SLC4A7: variants seen among roughly 807,000 people sequenced by gnomAD.
The protein encoded by SLC4A7 is sodium bicarbonate cotransporter 3.
Under a neutral mutation model 137.6 loss-of-function variants are expected in SLC4A7, and 51 were observed. The observed-to-expected ratio is 0.37, with a 90% CI of 0.30 to 0.47. SLC4A7 has a LOEUF of 0.47. SLC4A7 is among the 20% of genes least tolerant of loss of function. The pLI is 1.00. For synonymous variants in SLC4A7, 542 were observed against 518.6 expected, an observed-to-expected ratio of 1.05 and a Z score of -0.61; for missense variants, 1,247 against 1,525.4, an observed-to-expected ratio of 0.82 and a Z score of 3.04.
chr3:27,463,343 T>C (rs2058799326), intron 1 of SLC4A7, among the ~76,000 whole-genome samples: 1 of 151,918 alleles, frequency 6.6e-6, no homozygotes, highest in African/African-American at 2.4e-5. Context: ...GGCAAGAGAA[T>C]AGCGTGGACC....
rs922878227 is a variant in SLC4A7, at chr3:27,469,938, ATGTC to A, written c.60+14125_60+14128del. Among the ~76,000 whole-genome samples the A allele has an allele frequency of 2.6e-5, 4 of 152,160 alleles. No individual in the cohort carries two copies. The East Asian group carries it at 7.7e-4, about 29-fold the overall frequency. ...AGTAGCTGTAACAAAATAACTAAGAATGTCTGAGGATTATCCTAAAAAATAAATA... is the reference window on the plus strand; with the variant it reads ...AGTAGCTGTAACAAAATAACTAAGAATGAGGATTATCCTAAAAAATAAATA... On this transcript the variant is annotated intron_variant, in intron 1 of 25. Coordinates refer to ENST00000454389, the MANE Select transcript of SLC4A7 (RefSeq NM_001321103.2).
rs1038235580 is a variant in SLC4A7 at position 27,431,542 on chromosome 3, G to T, written c.906C>A (p.Thr302=). 6.2e-7 allele frequency: 1 copy of T among 1,614,046 alleles called. No individual in the cohort carries two copies. Among genetic ancestry groups the T allele is most frequent in the Non-Finnish European group, 8.5e-7 (1 of 1,179,996 alleles). The change falls in exon 7 of 26, where the codon ACC becomes ACA. Residue 302 remains threonine, a synonymous_variant. Coordinates refer to ENST00000454389, the MANE Select transcript of SLC4A7 (RefSeq NM_001321103.2). The stretch of plus-strand genomic sequence containing the variant: ...GGGTTGTACACCTTGAGCCTGCAGG[G>T]GTTCCAGCTCTTGAAGAAGGAAGAA... ...GHLLPSSRAG[T]PAGSRCTTPV... is the part of the protein sequence containing the mutation.
chr3:27,469,531 T>G (rs2059148351), intron 1 of SLC4A7, among the ~76,000 whole-genome samples: 1 of 152,158 alleles, frequency 6.6e-6, no homozygotes, highest in Admixed American at 6.6e-5. Flanking sequence ...TAAAGGATAT[T>G]ATAAAGGATA....
chr3:27,422,955 A>G, intron 8 of SLC4A7: 1 of 337,228 alleles, frequency 3.0e-6, no homozygotes, highest in Non-Finnish European at 6.0e-6. Context: ...GAACTCTATA[A>G]TGTAAATTAT....
chr3:27,443,776 T>G (rs2057395670), intron 3 of SLC4A7, among the ~76,000 whole-genome samples: 1 of 152,214 alleles, frequency 6.6e-6, no homozygotes, highest in Admixed American at 6.5e-5. Flanking sequence ...AAATCTGTCT[T>G]GGTTACCTGC....
chr3:27,397,160 C>CT (rs1404065942), intron 18 of SLC4A7, among the ~76,000 whole-genome samples: 1 of 152,018 alleles, frequency 6.6e-6, no homozygotes, highest in Non-Finnish European at 1.5e-5. Flanking sequence ...TCCCGAGTAG[C>CT]GGGATTACAG....
At chr3:27,475,266 TG>T (rs2059417765) in intron 1 of SLC4A7, among the ~76,000 whole-genome samples, 1 of 151,534 alleles carries the variant, frequency 6.6e-6, no homozygotes, top group African/African-American at 2.4e-5. Context: ...GAACACAGGC[TG>T]ATTATTAATA....
chr3:27,484,100 C>G lies in SLC4A7; in HGVS notation c.27G>C (p.Gln9His). The change falls in exon 1 of 26, where the codon CAG becomes CAC. Residue 9 changes from glutamine to histidine, a missense_variant. This residue lies in a region of SLC4A7 where 176 missense variants were observed against 186.4 expected (regional missense o/e 0.94). Transcript: ENST00000454389. ...TTACCCGGGTGAGTAGCGGTCTCATCTGCTCGCCGGCCCCATCAGCCTCCA... is the reference window on the plus strand; with the variant it reads ...TTACCCGGGTGAGTAGCGGTCTCATGTGCTCGCCGGCCCCATCAGCCTCCA... The part of the protein sequence containing the change: MEADGAGE[Q>H]MRPLLTRVTS... 7.1e-7 allele frequency: 1 copy of G among 1,401,916 alleles called. No homozygotes were observed. Among genetic ancestry groups the G allele is most frequent in the Non-Finnish European group, 9.3e-7 (1 of 1,073,088 alleles). 86.8% of individuals were successfully genotyped at this position (1,401,916 alleles called of 1,614,324 possible).
intron 3 of SLC4A7, 78 bp downstream of exon 3, chr3:27,448,573 G>A (rs991249645): frequency 4.7e-6 from 6 of 1,278,222 alleles, no homozygotes; most frequent in Middle Eastern, 4.0e-4. Flanking sequence ...ATTTTTAAAA[G>A]AAATATTCAA....
rs538929836 is a variant in SLC4A7, at chr3:27,448,559, T to C, written c.289+92A>G. On this transcript the variant is annotated intron_variant, in intron 3 of 25. Coordinates refer to ENST00000454389, the MANE Select transcript of SLC4A7 (RefSeq NM_001321103.2). The stretch of plus-strand genomic sequence containing the variant: ...CAATGTGACTACATTAATGCATACA[T>C]ACAATTTTTAAAAGAAATATTCAAT... 8.2e-6 allele frequency: 9 copies of C among 1,101,540 alleles called. No individual in the cohort carries two copies. In the South Asian group the frequency reaches 1.1e-4, roughly 13 times the overall value. 68.2% of individuals were successfully genotyped at this position (1,101,540 alleles called of 1,614,324 possible).
At chr3:27,460,717 G>A (rs915468597) in intron 1 of SLC4A7, among the ~76,000 whole-genome samples, 1 of 152,152 alleles carries the variant, frequency 6.6e-6, no homozygotes, top group Non-Finnish European at 1.5e-5. Context: ...GGGTGATAAA[G>A]AAAACCTTTT....
At chr3:27,441,033 G>A (rs1483167907) in intron 3 of SLC4A7, among the ~76,000 whole-genome samples, 1 of 151,966 alleles carries the variant, frequency 6.6e-6, no homozygotes, top group African/African-American at 2.4e-5. Context: ...TGACAAGAGT[G>A]AGACTCCGTC....
intron 8 of SLC4A7, chr3:27,423,624 G>A (rs1374089697): frequency 6.5e-6 from 1 of 154,734 alleles, no homozygotes; most frequent in Non-Finnish European, 1.4e-5. Context: ...CAGTAATTCT[G>A]GGATCGCATT....
rs375981564 is a variant in SLC4A7 at position 27,380,031 on chromosome 3, G to A, written c.3591-675C>T. 1.0e-3 allele frequency among the ~76,000 whole-genome samples: 157 copies of A among 152,254 alleles called. 4 individuals carry two copies. In the South Asian group the frequency reaches 0.015, roughly 14 times the overall value. On this transcript the variant is annotated intron_variant, in intron 24 of 25. Coordinates refer to ENST00000454389, the MANE Select transcript of SLC4A7 (RefSeq NM_001321103.2). Reference sequence around the variant, plus strand: ...CAAAATTAAAAGAACAGAGTAGGCCGGGCATGGTGGCTCACGCCTATAATC... The same window carrying A: ...CAAAATTAAAAGAACAGAGTAGGCCAGGCATGGTGGCTCACGCCTATAATC...
chr3:27,398,474 C>T (rs1467881864), intron 16 of SLC4A7, 121 bp from the exon 17 acceptor site: 3 of 765,336 alleles, frequency 3.9e-6, no homozygotes, highest in East Asian at 2.7e-5. Flanking sequence ...CTTTGTATTC[C>T]TTATAAAGAA....
At chr3:27,385,509 A>C (rs2050846602) in intron 23 of SLC4A7, among the ~76,000 whole-genome samples, 1 of 152,226 alleles carries the variant, frequency 6.6e-6, no homozygotes, top group Non-Finnish European at 1.5e-5. Flanking sequence ...AAATGTATTT[A>C]AAGTTTTCTC....
intron 7 of SLC4A7, among the ~76,000 whole-genome samples, chr3:27,426,188 C>A (rs533637022): frequency 6.6e-6 from 1 of 152,172 alleles, no homozygotes; most frequent in Non-Finnish European, 1.5e-5. Context: ...GTTGATGTGA[C>A]GAAAAATCTT....
At chr3:27,463,538 C>T (rs1420493400) in intron 1 of SLC4A7, among the ~76,000 whole-genome samples, 4 of 151,766 alleles carry the variant, frequency 2.6e-5, no homozygotes, top group African/African-American at 7.3e-5. Context: ...GAAACTCCAC[C>T]TCAAAAAATA....
At chr3:27,465,145 G>A (rs990225737) in intron 1 of SLC4A7, among the ~76,000 whole-genome samples, 3 of 151,604 alleles carry the variant, frequency 2.0e-5, no homozygotes, top group Admixed American at 6.6e-5. Flanking sequence ...CCAAAAACAC[G>A]AAAATTATCC....
Sources: gnomAD v4.1 joint callset for allele counts (sites outside exome capture counted in the v4.1 genomes callset) on GRCh38, gnomAD v4.1.1 for gene constraint, gnomAD v4.1.1 regional missense constraint, MANE v1.5 for transcripts, NCBI Gene and HGNC (gene_info 2026-07-23, HGNC 2026-07-21) for gene names.